The following RPS6KA5 variants were observed in gnomAD, a reference collection of about 807,000 sequenced individuals.
The protein encoded by RPS6KA5 is ribosomal protein S6 kinase alpha-5.
In RPS6KA5, 27 loss-of-function variants were observed where a neutral mutation model predicts 85.5. The observed-to-expected ratio is 0.32, with a 90% CI of 0.23 to 0.44. The LOEUF (loss-of-function observed/expected upper bound fraction) is 0.44. Among genes scored for constraint, RPS6KA5 ranks in the 20% least tolerant of loss-of-function variants. The pLI is 1.00. For synonymous variants in RPS6KA5, 334 were observed against 348.2 expected, an observed-to-expected ratio of 0.96 and a Z score of 0.46; for missense variants, 811 against 980.9, an observed-to-expected ratio of 0.83 and a Z score of 2.31.
At chr14:91,033,044 G>A (rs1380792526) in intron 1 of RPS6KA5, among the ~76,000 whole-genome samples, 1 of 151,862 alleles carries the variant, frequency 6.6e-6, no homozygotes, top group Non-Finnish European at 1.5e-5. Flanking sequence ...ACAATTAGCT[G>A]GACGTGGTGG....
At chr14:90,915,149 T>C (rs1282359229) in intron 7 of RPS6KA5, among the ~76,000 whole-genome samples, 1 of 152,198 alleles carries the variant, frequency 6.6e-6, no homozygotes. Context: ...ACTCTATACA[T>C]GACTCCAAAA....
At chr14:90,938,453 C>A (rs1390578424) in intron 5 of RPS6KA5, among the ~76,000 whole-genome samples, 1 of 152,216 alleles carries the variant, frequency 6.6e-6, no homozygotes, top group Non-Finnish European at 1.5e-5. Context: ...CTAGGCAGTG[C>A]CCCAGTAGGA....
At chr14:90,914,384 G>A (rs1229150841) in intron 7 of RPS6KA5, among the ~76,000 whole-genome samples, 1 of 126,202 alleles carries the variant, frequency 7.9e-6, no homozygotes, top group Non-Finnish European at 1.6e-5. Flanking sequence ...GTGCAATCTC[G>A]GCTCACTGCA....
At chr14:90,918,352 A>C (rs2036230136) in intron 7 of RPS6KA5, among the ~76,000 whole-genome samples, 1 of 152,174 alleles carries the variant, frequency 6.6e-6, no homozygotes, top group Non-Finnish European at 1.5e-5. Flanking sequence ...TGTCTGTTCA[A>C]ATTTTTTGCC....
At chr14:90,978,839 A>G (rs1413923602) in intron 2 of RPS6KA5, among the ~76,000 whole-genome samples, 1 of 152,186 alleles carries the variant, frequency 6.6e-6, no homozygotes, top group African/African-American at 2.4e-5. Context: ...CCACAATCCA[A>G]TTCTGGAACA....
intron 2 of RPS6KA5, among the ~76,000 whole-genome samples, chr14:90,996,720 T>C (rs1241777036): frequency 6.6e-6 from 1 of 151,878 alleles, no homozygotes; most frequent in Non-Finnish European, 1.5e-5. Flanking sequence ...CTGACATTTC[T>C]AAAACTTTAA....
rs796960638 is a variant in RPS6KA5, at chr14:91,043,562, T to G, written c.103+16770A>C. The stretch of plus-strand genomic sequence containing the variant: ...TCCTATACGTAGATTGGAAGAAGAA[T>G]AATAATAATTCTCACTTCACTGGGT... On this transcript the variant is annotated intron_variant, in intron 1 of 16. Coordinates refer to ENST00000614987, the MANE Select transcript of RPS6KA5 (RefSeq NM_004755.4). Among the ~76,000 whole-genome samples, 159 of 152,334 alleles carry G rather than the reference T, an allele frequency of 1.0e-3. 1 individual carries two copies. The highest frequency in any genetic ancestry group is 7.4e-3 in the Admixed American group (114 of 15,306).
intron 1 of RPS6KA5, among the ~76,000 whole-genome samples, chr14:91,033,914 C>A (rs2042293953): frequency 6.6e-6 from 1 of 152,106 alleles, no homozygotes; most frequent in African/African-American, 2.4e-5. Flanking sequence ...AGTCTTCATA[C>A]ACATAAGTTT....
Position 91,056,867 on chromosome 14 carries a change from C to CTTTTTTTTTT in RPS6KA5, c.103+3455_103+3464dup, listed in dbSNP as rs34807092. 2.8e-4 allele frequency among the ~76,000 whole-genome samples: 11 copies of CTTTTTTTTTT among 38,874 alleles called. 2 individuals carry two copies. In the South Asian group the frequency reaches 4.8e-3, roughly 17 times the overall value. The allele number at this position is 38,874 out of a possible 152,430, so 25.5% of individuals were successfully genotyped here. On this transcript the variant is annotated intron_variant, in intron 1 of 16. Transcript: ENST00000614987. ...ACTGTTATACTTAAGGCAGTATTAT[C>CTTTTTTTTTT]TTTTTTTTTTTTTTTTTTTTTTTTT...
intron 6 of RPS6KA5, among the ~76,000 whole-genome samples, chr14:90,920,715 AT>A (rs1475432413): frequency 6.6e-6 from 1 of 151,714 alleles, no homozygotes; most frequent in Non-Finnish European, 1.5e-5. Flanking sequence ...AGGGTATGTT[AT>A]TTTTTCCTAA....
chr14:90,910,081 C>T (rs1291992118), intron 7 of RPS6KA5, among the ~76,000 whole-genome samples: 1 of 149,828 alleles, frequency 6.7e-6, no homozygotes, highest in Non-Finnish European at 1.5e-5. Flanking sequence ...CGGCCAAAAA[C>T]TTGCATTATT....
rs558728639 is a variant in RPS6KA5 at position 90,982,856 on chromosome 14, G to A, written c.176-4332C>T. 6.6e-5 allele frequency among the ~76,000 whole-genome samples: 10 copies of A among 151,714 alleles called. No individual in the cohort carries two copies. The South Asian group carries it at 1.3e-3, about 19-fold the overall frequency. ...TGGCCAGGCGCGGTGGTTCACGCCT[G>A]TAATCCCAGCACTTTGGGAGGCCGA... On this transcript the variant is annotated intron_variant, in intron 2 of 16. Coordinates refer to ENST00000614987, the MANE Select transcript of RPS6KA5 (RefSeq NM_004755.4).
Position 90,871,817 on chromosome 14 carries a change from C to T in RPS6KA5, c.*257G>A, listed in dbSNP as rs2033130666. ...CTAGCCCTAATTAAATTTACAGGAA[C>T]CTTTGCTCTTTCAAGAATAGTCTTG... On this transcript the variant is annotated 3_prime_UTR_variant, in exon 17 of 17. Coordinates refer to ENST00000614987, the MANE Select transcript of RPS6KA5 (RefSeq NM_004755.4). The T allele has an allele frequency of 1.2e-5, 4 of 328,132 alleles. No individual in the cohort carries two copies. The South Asian group carries it at 2.0e-4, about 16-fold the overall frequency. The allele number at this position is 328,132 out of a possible 1,614,324, so 20.3% of individuals were successfully genotyped here.
chr14:91,052,671 A>C (rs923217512), intron 1 of RPS6KA5, among the ~76,000 whole-genome samples: 2 of 150,614 alleles, frequency 1.3e-5, no homozygotes, highest in African/African-American at 4.9e-5. Flanking sequence ...AAAAGTACAA[A>C]AAAAAAAAAA....
At position 90,960,045 on chromosome 14, in the gene RPS6KA5, G is replaced by A. The variant is rs113426704; in HGVS notation, c.395-12495C>T. Among the ~76,000 whole-genome samples, 18 of 152,168 alleles carry A rather than the reference G, an allele frequency of 1.2e-4. No individual in the cohort carries two copies. The South Asian group carries it at 1.2e-3, about 11-fold the overall frequency. ...CACCAGTGCCACACTCCCTCTCAGC[G>A]TTTGGATTAGTTCTCCCTGAATTTT... On this transcript the variant is annotated intron_variant, in intron 3 of 16. Transcript: ENST00000614987.
rs773425477 is a variant in RPS6KA5, at chr14:90,923,158, G to A, written c.657C>T (p.Tyr219=). Residue 219 remains tyrosine (Y), a synonymous_variant, in exon 6 of 17, where the codon TAC becomes TAT. Transcript: ENST00000614987. The part of the protein sequence containing the change: ...RAYSFCGTIE[Y]MAPDIVRGGD... ...CCCCTCTGACAATATCTGGTGCCAT[G>A]TATTCAATAGTTCCACAAAAGGAAT... 1 of 1,613,132 alleles carries A rather than the reference G, an allele frequency of 6.2e-7. No individual in the cohort carries two copies. The highest frequency in any genetic ancestry group is 2.2e-5 in the East Asian group (1 of 44,812).
At chr14:90,936,344 A>T (rs907854650) in intron 5 of RPS6KA5, among the ~76,000 whole-genome samples, 12 of 152,120 alleles carry the variant, frequency 7.9e-5, no homozygotes, top group Non-Finnish European at 1.6e-4. Context: ...AGGCAGGTGG[A>T]TTTTTTGAGA....
At chr14:91,038,611 C>T (rs2042488018) in intron 1 of RPS6KA5, among the ~76,000 whole-genome samples, 1 of 152,200 alleles carries the variant, frequency 6.6e-6, no homozygotes, top group Non-Finnish European at 1.5e-5. Context: ...GAAGGAGCCG[C>T]AGACCTGGCT....
In RPS6KA5 at chr14:90,860,936, A is replaced by G. The variant is rs1406004530; in HGVS notation, c.*11138T>C. ...GATGGAGTTTCGCTCTTGTTGCCCA[A>G]TCTGGAGTGCAATGGTGCGACCTTG... On this transcript the variant is annotated 3_prime_UTR_variant, in exon 17 of 17. Transcript: ENST00000614987. The G allele has an allele frequency of 2.0e-5, 3 of 148,984 alleles. No homozygotes were observed. The highest frequency in any genetic ancestry group is 4.4e-5 in the Non-Finnish European group (3 of 67,610). 9.2% of individuals were successfully genotyped at this position (148,984 alleles called of 1,614,324 possible).
Sources: allele counts gnomAD v4.1 joint callset (sites outside exome capture counted in the v4.1 genomes callset), GRCh38; gene constraint gnomAD v4.1.1; transcripts MANE v1.5; gene names NCBI Gene and HGNC (gene_info 2026-07-23, HGNC 2026-07-21).